The following DUSP12 variants were observed in gnomAD, a reference collection of about 807,000 sequenced individuals.
The protein encoded by DUSP12 is dual specificity protein phosphatase 12.
A neutral mutation model predicts 38.9 loss-of-function variants in DUSP12; 25 were observed. The ratio of observed to expected loss-of-function variants is 0.64; its 90% CI spans 0.47 to 0.90. The LOEUF (loss-of-function observed/expected upper bound fraction) is 0.90. Among genes scored for constraint, DUSP12 ranks in the 40% least tolerant of loss-of-function variants. The probability of loss-of-function intolerance (pLI) is 0.00; values close to 1 mark genes in which losing one functional copy is unlikely to be tolerated. For synonymous variants in DUSP12, 153 were observed against 153.9 expected (o/e 0.99, Z 0.05); for missense variants, 403 against 427.0 (o/e 0.94, Z 0.50).
intron 5 of DUSP12, among the ~76,000 whole-genome samples, chr1:161,754,708 G>T (rs1311324128): frequency 1.3e-5 from 2 of 152,142 alleles, no homozygotes; most frequent in African/African-American, 2.4e-5. Flanking sequence ...ACAGCATGGG[G>T]GTATCTGCCT....
intron 5 of DUSP12, among the ~76,000 whole-genome samples, chr1:161,753,578 C>T (rs960434942): frequency 6.6e-6 from 1 of 151,894 alleles, no homozygotes; most frequent in African/African-American, 2.4e-5. Flanking sequence ...TGGCTGGGCA[C>T]TCTTGCCTCA....
At position 161,756,820 on chromosome 1, in the gene DUSP12, C is replaced by T; in HGVS notation, c.896C>T (p.Ser299Phe). 1 of 1,612,592 alleles carries T rather than the reference C, an allele frequency of 6.2e-7. No homozygotes were observed. The highest frequency in any genetic ancestry group is 2.2e-5 in the East Asian group (1 of 44,846). Residue 299 changes from serine (S) to phenylalanine (F), a missense_variant, in exon 6 of 6, where the codon TCC becomes TTC. Physicochemically the swap from Ser to Phe is radical, Grantham distance 155 (BLOSUM62 -2). Transcript: ENST00000367943. ...CCAAAATGCAGTGCCAAGTTGGGTT[C>T]CTTCAACTGGTATGGTGAACAGTGC... is the stretch of plus-strand genomic sequence containing the variant. ...LCPKCSAKLG[S>F]FNWYGEQCSC...
At position 161,749,994 on chromosome 1, in the gene DUSP12, AG is replaced by A; in HGVS notation, c.194del (p.Ser65ThrfsTer61). ...GCTAACAGTGGACTCGGAGGAGCCC[AG>A]CTTCAAGGCGGGGCCTGGGGTCGAG... ...AVLTVDSEEP[S>X]FKAGPGVEDL... On this transcript the variant is annotated frameshift_variant, in exon 1 of 6. Transcript: ENST00000367943. LOFTEE classifies it high-confidence loss of function. 3 of 1,614,048 alleles carry A rather than the reference AG, an allele frequency of 1.9e-6. No individual in the cohort carries two copies. Among genetic ancestry groups the A allele is most frequent in the Non-Finnish European group, 2.5e-6 (3 of 1,179,976 alleles).
intron 1 of DUSP12, among the ~76,000 whole-genome samples, chr1:161,750,528 A>G (rs1239209692): frequency 6.6e-6 from 1 of 152,200 alleles, no homozygotes; most frequent in Non-Finnish European, 1.5e-5. Flanking sequence ...ACAAAGATTT[A>G]GGGTTAAATG....
At position 161,749,821 on chromosome 1, in the gene DUSP12, C is replaced by G. The variant is rs1683982846; in HGVS notation, c.20C>G (p.Pro7Arg). 1.1e-5 allele frequency: 18 copies of G among 1,584,650 alleles called. No individual in the cohort carries two copies. Among genetic ancestry groups the G allele is most frequent in the Middle Eastern group, 1.8e-4 (1 of 5,690 alleles). The change falls in exon 1 of 6, where the codon CCG (proline) becomes CGG (arginine). Residue 7 changes from proline (P) to arginine (R), a missense_variant. By Grantham distance (103) the Pro-to-Arg change is moderately radical (BLOSUM62 -2). Coordinates refer to ENST00000367943, the MANE Select transcript of DUSP12 (RefSeq NM_007240.3). The stretch of plus-strand genomic sequence containing the variant: ...GCGGCCATGTTGGAGGCTCCGGGCC[C>G]GAGTGATGGCTGCGAGCTCAGCAAC... MLEAPG[P>R]SDGCELSNPS... is the part of the protein sequence containing the mutation.
In DUSP12 at chr1:161,757,002, C is replaced by T. The variant is rs550413565; in HGVS notation, c.*55C>T. The stretch of plus-strand genomic sequence containing the variant: ...TTGCAGATGATATGTGCTGCCTTTG[C>T]TTCTTATCATTCATGGCAGATTGTT... On this transcript the variant is annotated 3_prime_UTR_variant, in exon 6 of 6. Coordinates refer to ENST00000367943, the MANE Select transcript of DUSP12 (RefSeq NM_007240.3). The T allele has an allele frequency of 1.3e-5, 19 of 1,508,582 alleles. No individual in the cohort carries two copies. The East Asian group carries it at 3.4e-4, about 27-fold the overall frequency. 93.4% of individuals were successfully genotyped at this position (1,508,582 alleles called of 1,614,324 possible).
At position 161,752,407 on chromosome 1, in the gene DUSP12, C is replaced by G; in HGVS notation, c.617C>G (p.Pro206Arg). Residue 206 changes from proline to arginine, a missense_variant, in exon 4 of 6, where the codon CCA becomes CGA. By Grantham distance (103) the Pro-to-Arg change is moderately radical. Coordinates refer to ENST00000367943, the MANE Select transcript of DUSP12 (RefSeq NM_007240.3). Reference protein sequence around the residue: ...NLPQELFAVDPTTVSQGLKDE... With the variant: ...NLPQELFAVDRTTVSQGLKDE... The stretch of plus-strand genomic sequence containing the variant: ...CCTCAAGAACTCTTTGCTGTTGACC[C>G]AACTACCGTTTCACAAGGATTGAAA... 6.2e-7 allele frequency: 1 copy of G among 1,613,210 alleles called. No individual in the cohort carries two copies. The highest frequency in any genetic ancestry group is 8.5e-7 in the Non-Finnish European group (1 of 1,179,380).
Position 161,753,196 on chromosome 1 carries a change from A to C in DUSP12, c.796A>C (p.Thr266Pro), listed in dbSNP as rs1391266476. ...TACCACAGGGAGGCAAGCTCAATGT[A>C]CATCTTATTTCATTGAACCTGTACA... ...MLTTGRQAQC[T>P]SYFIEPVQWM... The change falls in exon 5 of 6, where the codon ACA becomes CCA. Residue 266 changes from threonine (T) to proline (P), a missense_variant. Thr to Pro is a conservative substitution (Grantham distance 38). Transcript: ENST00000367943. 3 of 1,614,104 alleles carry C rather than the reference A, an allele frequency of 1.9e-6. No individual in the cohort carries two copies. The South Asian group carries it at 3.3e-5, about 18-fold the overall frequency.
At chr1:161,752,277 C>T in intron 3 of DUSP12, 91 bp from the exon 4 acceptor site, 1 of 905,422 alleles carries the variant, frequency 1.1e-6, no homozygotes, top group East Asian at 2.4e-5. Context: ...TTGAGGTTAG[C>T]ACTTGTTGCC....
rs116274350 is a variant in DUSP12, at chr1:161,752,131, A to G, written c.577+147A>G. On this transcript the variant is annotated intron_variant, in intron 3 of 5. Transcript: ENST00000367943. ...CCAGAAATAACCTATTCAAAATCAC[A>G]TGGTTTATAAATGGCAGGGTCAGGA... The G allele has an allele frequency of 2.0e-3, 1,472 of 737,400 alleles. 16 individuals carry two copies. The African/African-American group carries it at 0.023, about 11-fold the overall frequency. 45.7% of individuals were successfully genotyped at this position (737,400 alleles called of 1,614,324 possible).
intron 1 of DUSP12, among the ~76,000 whole-genome samples, chr1:161,750,616 TAGGG>T (rs763945999): frequency 1.8e-4 from 27 of 152,270 alleles, no homozygotes; most frequent in Middle Eastern, 3.4e-3. Context: ...GGGCTTTGCC[TAGGG>T]AGGAGATGGT....
In DUSP12 at chr1:161,749,822, G is replaced by A; in HGVS notation, c.21G>A (p.Pro7=). The stretch of plus-strand genomic sequence containing the variant: ...CGGCCATGTTGGAGGCTCCGGGCCC[G>A]AGTGATGGCTGCGAGCTCAGCAACC... The part of the protein sequence containing the change: MLEAPG[P]SDGCELSNPS... The change falls in exon 1 of 6, where the codon CCG becomes CCA. Residue 7 remains proline, a synonymous_variant. Transcript: ENST00000367943. 2 of 1,585,792 alleles carry A rather than the reference G, an allele frequency of 1.3e-6. No homozygotes were observed. The highest frequency in any genetic ancestry group is 1.7e-6 in the Non-Finnish European group (2 of 1,166,720).
At position 161,756,853 on chromosome 1, in the gene DUSP12, G is replaced by T; in HGVS notation, c.929G>T (p.Gly310Val). 4 of 1,614,000 alleles carry T rather than the reference G, an allele frequency of 2.5e-6. No individual in the cohort carries two copies. The highest frequency in any genetic ancestry group is 3.4e-6 in the Non-Finnish European group (4 of 1,179,890). Reference protein sequence around the residue: ...FNWYGEQCSCGRWITPAFQIH... With the variant: ...FNWYGEQCSCVRWITPAFQIH... ...TGGTATGGTGAACAGTGCTCTTGTG[G>T]TAGGTGGATAACACCTGCTTTTCAA... The change falls in exon 6 of 6, where the codon GGT becomes GTT. Residue 310 changes from glycine (G) to valine (V), a missense_variant. Coordinates refer to ENST00000367943, the MANE Select transcript of DUSP12 (RefSeq NM_007240.3).
chr1:161,754,259 A>G (rs1262211517), intron 5 of DUSP12, among the ~76,000 whole-genome samples: 7 of 152,168 alleles, frequency 4.6e-5, no homozygotes, highest in African/African-American at 1.4e-4. Flanking sequence ...GCATGAGGAA[A>G]CTGTTTATGA....
chr1:161,753,147 G>A lies in DUSP12; in HGVS notation c.747G>A (p.Lys249=), dbSNP rs1684053834. The part of the protein sequence containing the change: ...EGSGPIAFAH[K]RMTPSSMLTT... ...GTGGACCTATAGCCTTTGCCCACAAGAGAATGACACCATCTTCCATGCTTA... is the reference window on the plus strand; with the variant it reads ...GTGGACCTATAGCCTTTGCCCACAAAAGAATGACACCATCTTCCATGCTTA... Residue 249 remains lysine (K), a synonymous_variant, in exon 5 of 6, where the codon AAG becomes AAA. Coordinates refer to ENST00000367943, the MANE Select transcript of DUSP12 (RefSeq NM_007240.3). The A allele has an allele frequency of 6.2e-7, 1 of 1,614,124 alleles. No homozygotes were observed. Among genetic ancestry groups the A allele is most frequent in the Non-Finnish European group, 8.5e-7 (1 of 1,179,992 alleles).
chr1:161,749,860 G>C lies in DUSP12; in HGVS notation c.59G>C (p.Arg20Thr), dbSNP rs758742789. The change falls in exon 1 of 6, where the codon AGA becomes ACA. Residue 20 changes from arginine (R) to threonine (T), a missense_variant. Physicochemically the swap from Arg to Thr is moderately conservative, Grantham distance 71. Transcript: ENST00000367943. Reference sequence around the variant, plus strand: ...GAGCTCAGCAACCCCAGCGCCAGCAGAGTCAGCTGTGCCGGGCAGATGCTG... The same window carrying C: ...GAGCTCAGCAACCCCAGCGCCAGCACAGTCAGCTGTGCCGGGCAGATGCTG... ...GCELSNPSASRVSCAGQMLEV... is the reference protein window; with the variant it reads ...GCELSNPSASTVSCAGQMLEV... 3 of 1,608,616 alleles carry C rather than the reference G, an allele frequency of 1.9e-6. No individual in the cohort carries two copies. The highest frequency in any genetic ancestry group is 1.3e-5 in the African/African-American group (1 of 74,800).
chr1:161,752,921 C>T (rs553743553), intron 4 of DUSP12, among the ~76,000 whole-genome samples, 154 bp from the exon 5 acceptor site: 25 of 150,986 alleles, frequency 1.7e-4, no homozygotes, highest in African/African-American at 4.4e-4. Context: ...ACCCAGGAGG[C>T]GGAGGTTGCA....
At chr1:161,756,720 G>A in intron 5 of DUSP12, 66 bp from the exon 6 acceptor site, 1 of 1,562,842 alleles carries the variant, frequency 6.4e-7, no homozygotes, top group Non-Finnish European at 8.7e-7. Flanking sequence ...TATATTGATT[G>A]CCAAAGATAA....
intron 5 of DUSP12, among the ~76,000 whole-genome samples, chr1:161,754,188 T>C (rs771014228): frequency 2.6e-5 from 4 of 152,228 alleles, no homozygotes; most frequent in African/African-American, 4.8e-5. Flanking sequence ...CACTGTATTA[T>C]ACCATTTGAA....
Sources: gnomAD v4.1 joint callset for allele counts (sites outside exome capture counted in the v4.1 genomes callset) on GRCh38, gnomAD v4.1.1 for gene constraint, MANE v1.5 for transcripts, NCBI Gene and HGNC (gene_info 2026-07-23, HGNC 2026-07-21) for gene names.